The following TBL2 variants were observed in gnomAD, a reference collection of about 807,000 sequenced individuals.
TBL2 encodes the protein transducin beta like 2.
A neutral mutation model predicts 41.8 loss-of-function variants in TBL2; 33 were observed. That is an observed-to-expected ratio of 0.79 (90% CI 0.60 to 1.06). The LOEUF (loss-of-function observed/expected upper bound fraction) is 1.06, where lower values mean the gene tolerates loss of function less well. Among genes scored for constraint, TBL2 ranks in the 50% least tolerant of loss-of-function variants. The pLI, the probability that TBL2 is intolerant of heterozygous loss-of-function variation, is 0.00. For synonymous variants in TBL2, 239 were observed against 241.7 expected (o/e 0.99, Z 0.10); for missense variants, 522 against 603.8 (o/e 0.86, Z 1.42).
rs782241631 is a variant in TBL2 at position 73,572,915 on chromosome 7, C to T, written c.654G>A (p.Lys218=). The T allele has an allele frequency of 1.2e-5, 19 of 1,614,076 alleles. No homozygotes were observed. Among genetic ancestry groups the T allele is most frequent in the Non-Finnish European group, 1.4e-5 (17 of 1,180,048 alleles). ...SDTTVLIWSL[K]GQVLSTINTN... ...TGTTGATGGTAGACAGCACTTGACC[C>T]TTCAGGCTCCAGATGAGGACAGTGG... Residue 218 remains lysine, a synonymous_variant, in exon 5 of 7, where the codon AAG becomes AAA. Transcript: ENST00000305632.
chr7:73,571,315 G>T lies in TBL2; in HGVS notation c.752C>A (p.Pro251Gln). 1 of 1,614,174 alleles carries T rather than the reference G, an allele frequency of 6.2e-7. No individual in the cohort carries two copies. The highest frequency in any genetic ancestry group is 2.2e-5 in the East Asian group (1 of 44,882). Residue 251 changes from proline (P) to glutamine (Q), a missense_variant, in exon 6 of 7, where the codon CCA (proline) becomes CAA (glutamine). Pro to Gln is a moderately conservative substitution (Grantham distance 76). Coordinates refer to ENST00000305632, the MANE Select transcript of TBL2 (RefSeq NM_012453.4). The stretch of plus-strand genomic sequence containing the variant: ...GCAGACTTCCCAAACCTTCACATCT[G>T]GGGTGAAGCCACACGAGGCTACAAA... The part of the protein sequence containing the change: ...GRFVASCGFT[P>Q]DVKVWEVCFG...
Position 73,573,990 on chromosome 7 carries a change from C to T in TBL2, c.394G>A (p.Ala132Thr), listed in dbSNP as rs781807052. ...FLQREHRSMR[A>T]NVELDHATLV... ...GTGGCGTGGTCCAGCTCCACGTTGGCTCTCATGCTGCGGTGCTCTCGCTGC... is the reference window on the plus strand; with the variant it reads ...GTGGCGTGGTCCAGCTCCACGTTGGTTCTCATGCTGCGGTGCTCTCGCTGC... Residue 132 changes from alanine to threonine, a missense_variant, in exon 3 of 7, where the codon GCC (alanine) becomes ACC (threonine). Physicochemically the swap from Ala to Thr is moderately conservative, Grantham distance 58. Transcript: ENST00000305632. The T allele has an allele frequency of 6.8e-6, 11 of 1,614,166 alleles. No homozygotes were observed. The highest frequency in any genetic ancestry group is 4.5e-5 in the East Asian group (2 of 44,886).
In TBL2 at chr7:73,574,100, C is replaced by T; in HGVS notation, c.284G>A (p.Cys95Tyr). The T allele has an allele frequency of 6.2e-7, 1 of 1,614,132 alleles. No homozygotes were observed. Residue 95 changes from cysteine (C) to tyrosine (Y), a missense_variant, in exon 3 of 7, where the codon TGC becomes TAC. Physicochemically the swap from Cys to Tyr is radical, Grantham distance 194. Transcript: ENST00000305632. ...TTTGCCATTGCTGCTAAAGTCCATGCAAGATATGTTCCCGCTGTGGCTCTA... is the reference window on the plus strand; with the variant it reads ...TTTGCCATTGCTGCTAAAGTCCATGTAAGATATGTTCCCGCTGTGGCTCTA... ...ALKSHSGNIS[C>Y]MDFSSNGKYL...
Position 73,567,997 on chromosome 7 carries a change from G to T in TBL2, c.*2510C>A, listed in dbSNP as rs1016997603. ...ATGCCAGAGCTGCTTCTAAGAACAG[G>T]TGCGCAAAGGAAGTGTTTTAGTCTC... On this transcript the variant is annotated 3_prime_UTR_variant, in exon 7 of 7. Coordinates refer to ENST00000305632, the MANE Select transcript of TBL2 (RefSeq NM_012453.4). Among the ~76,000 whole-genome samples, 1 of 152,182 alleles carries T rather than the reference G, an allele frequency of 6.6e-6. No homozygotes were observed. The highest frequency in any genetic ancestry group is 1.5e-5 in the Non-Finnish European group (1 of 68,038).
chr7:73,571,242 T>C lies in TBL2; in HGVS notation c.825A>G (p.Leu275=), dbSNP rs1792930092. 2 of 1,614,212 alleles carry C rather than the reference T, an allele frequency of 1.2e-6. No individual in the cohort carries two copies. The highest frequency in any genetic ancestry group is 1.7e-6 in the Non-Finnish European group (2 of 1,180,032). ...EFQEVVRAFE[L]KGHSAAVHSF... ...AGTGCACAGCCGCGGAGTGGCCCTT[T>C]AGTTCGAAGGCTCGCACCACCTCCT... The change falls in exon 6 of 7, where the codon CTA becomes CTG. Residue 275 remains leucine (L), a synonymous_variant. Transcript: ENST00000305632.
At position 73,574,417 on chromosome 7, in the gene TBL2, T is replaced by C. The variant is rs1554588470; in HGVS notation, c.227A>G (p.Asn76Ser). ...TGCAGCCAGGAGGCGGTGGGTGAAG[T>C]TGTGTTGTTGAGGCTTCTCCTTCCG... ...RIRKEKPQQH[N>S]FTHRLLAAAL... The change falls in exon 2 of 7, where the codon AAC (asparagine) becomes AGC (serine). Residue 76 changes from asparagine to serine, a missense_variant. By Grantham distance (46) the Asn-to-Ser change is conservative. Coordinates refer to ENST00000305632, the MANE Select transcript of TBL2 (RefSeq NM_012453.4). The C allele has an allele frequency of 2.5e-6, 4 of 1,613,716 alleles. No homozygotes were observed. The highest frequency in any genetic ancestry group is 2.2e-5 in the South Asian group (2 of 91,072).
intron 5 of TBL2, among the ~76,000 whole-genome samples, 197 bp downstream of exon 5, chr7:73,572,647 G>C (rs1377931125): frequency 6.6e-6 from 1 of 152,088 alleles, no homozygotes; most frequent in African/African-American, 2.4e-5. Flanking sequence ...TGAAGATGAA[G>C]AAATAGCGAC....
At chr7:73,572,778 G>C (rs1472167076) in intron 5 of TBL2, 66 bp downstream of exon 5, 2 of 1,609,476 alleles carry the variant, frequency 1.2e-6, no homozygotes, top group African/African-American at 1.3e-5. Context: ...CTGGCTCTCT[G>C]TTCTGTGCCT....
Position 73,572,923 on chromosome 7 carries a change from T to C in TBL2, c.646A>G (p.Ser216Gly), listed in dbSNP as rs1325159545. ...ASSDTTVLIWSLKGQVLSTIN... is the reference protein window; with the variant it reads ...ASSDTTVLIWGLKGQVLSTIN... ...GTAGACAGCACTTGACCCTTCAGGC[T>C]CCAGATGAGGACAGTGGTGTCACTG... The change falls in exon 5 of 7, where the codon AGC becomes GGC. Residue 216 changes from serine (S) to glycine (G), a missense_variant. Ser to Gly is a moderately conservative substitution (Grantham distance 56). Transcript: ENST00000305632. The C allele has an allele frequency of 1.2e-6, 2 of 1,613,950 alleles. No homozygotes were observed. The highest frequency in any genetic ancestry group is 1.7e-6 in the Non-Finnish European group (2 of 1,180,034).
chr7:73,572,758 C>A, intron 5 of TBL2, 86 bp downstream of exon 5: 2 of 1,587,446 alleles, frequency 1.3e-6, no homozygotes, highest in Non-Finnish European at 8.6e-7. Context: ...GCTCTTCCCA[C>A]GCGATGAAGC....
chr7:73,572,860 C>G lies in TBL2; in HGVS notation c.709G>C (p.Val237Leu), dbSNP rs782093007. The change falls in exon 5 of 7, where the codon GTA becomes CTA. Residue 237 changes from valine (V) to leucine (L), a missense_variant. Transcript: ENST00000305632. ...CTTGCCCACCTGCCACAGGGAGATA[C>G]AGCAGCGTGTGTGTTGTTCATCTGG... ...TNQMNNTHAAVSPCGRFVASC... is the reference protein window; with the variant it reads ...TNQMNNTHAALSPCGRFVASC... The G allele has an allele frequency of 1.9e-6, 3 of 1,614,144 alleles. No individual in the cohort carries two copies. The highest frequency in any genetic ancestry group is 1.7e-5 in the Admixed American group (1 of 60,010).
In TBL2 at chr7:73,570,478, T is replaced by C; in HGVS notation, c.*29A>G. On this transcript the variant is annotated 3_prime_UTR_variant, in exon 7 of 7. Transcript: ENST00000305632. The stretch of plus-strand genomic sequence containing the variant: ...CATGAGGAGGCCAGATCCCTCCTCC[T>C]CAATCCTCTGCGCCGGGCCCTCCCA... 1 of 1,474,992 alleles carries C rather than the reference T, an allele frequency of 6.8e-7. No homozygotes were observed. The highest frequency in any genetic ancestry group is 9.0e-7 in the Non-Finnish European group (1 of 1,114,948). 91.4% of individuals were successfully genotyped at this position (1,474,992 alleles called of 1,614,324 possible). A position where few individuals can be genotyped will look rare whatever the true frequency, so the allele number is the denominator to read the frequency against.
At chr7:73,576,777 AC>A (rs1793349403) in intron 1 of TBL2, 1 of 448,836 alleles carries the variant, frequency 2.2e-6, no homozygotes, top group South Asian at 1.6e-5. Flanking sequence ...CCCTCCTCAC[AC>A]TTAAGTCATA....
chr7:73,567,698 C>T lies in TBL2; in HGVS notation c.*2809G>A, dbSNP rs571023321. Among the ~76,000 whole-genome samples the T allele has an allele frequency of 6.6e-6, 1 of 152,268 alleles. No individual in the cohort carries two copies. Among genetic ancestry groups the T allele is most frequent in the South Asian group, 2.1e-4 (1 of 4,822 alleles). On this transcript the variant is annotated 3_prime_UTR_variant, in exon 7 of 7. Coordinates refer to ENST00000305632, the MANE Select transcript of TBL2 (RefSeq NM_012453.4). ...CTCTATGTTAATATCCAGACACCTT[C>T]TCTGTGGTTACAAGAGAAGCTTGAG...
intron 1 of TBL2, among the ~76,000 whole-genome samples, chr7:73,575,904 T>C (rs1218201112): frequency 2.0e-5 from 3 of 152,016 alleles, no homozygotes; most frequent in Non-Finnish European, 2.9e-5. Flanking sequence ...TAGCTGGGCA[T>C]GGTGGTGTGC....
In TBL2 at chr7:73,572,943, T is replaced by A. The variant is rs1793059719; in HGVS notation, c.626A>T (p.Asp209Val). Residue 209 changes from aspartate to valine, a missense_variant, in exon 5 of 7, where the codon GAC becomes GTC. By Grantham distance (152) the Asp-to-Val change is radical. Transcript: ENST00000305632. ...TGKFIMTASS[D>V]TTVLIWSLKG... ...CAGGCTCCAGATGAGGACAGTGGTG[T>A]CACTGGAGGCAGTCATGATAAACTT... is the stretch of plus-strand genomic sequence containing the variant. The A allele has an allele frequency of 1.2e-6, 2 of 1,614,032 alleles. No homozygotes were observed. Among genetic ancestry groups the A allele is most frequent in the African/African-American group, 2.7e-5 (2 of 74,910 alleles).
chr7:73,570,824 C>CCCGCCCA lies in TBL2; in HGVS notation c.1026_1027insTGGGCGG (p.Ala343TrpfsTer13). 1 of 1,613,930 alleles carries CCCGCCCA rather than the reference C, an allele frequency of 6.2e-7. No homozygotes were observed. Among genetic ancestry groups the CCCGCCCA allele is most frequent in the Non-Finnish European group, 8.5e-7 (1 of 1,180,044 alleles). ...CCACTGGCCAAGGCCAAGACCTGGG[C>CCCGCCCA]GTTGGGGGAGAGGGCCAGGCGGCAC... On this transcript the variant is annotated frameshift_variant, in exon 7 of 7. Transcript: ENST00000305632. LOFTEE classifies it high-confidence loss of function.
chr7:73,578,460 C>T lies in TBL2; in HGVS notation c.90G>A (p.Gly30=), dbSNP rs1261957802. Reference sequence around the variant, plus strand: ...TCCTCTCCTCCCCCGCGCGCAGCCACCCCCGCGCTACCGCCGCCGTCGCCA... The same window carrying T: ...TCCTCTCCTCCCCCGCGCGCAGCCATCCCCGCGCTACCGCCGCCGTCGCCA... ...ALMATAAVAR[G]WLRAGEERSG... The change falls in exon 1 of 7, where the codon GGG becomes GGA. Residue 30 remains glycine (G), a synonymous_variant. Transcript: ENST00000305632. 1.3e-6 allele frequency: 2 copies of T among 1,560,362 alleles called. No individual in the cohort carries two copies. Among genetic ancestry groups the T allele is most frequent in the African/African-American group, 1.4e-5 (1 of 70,588 alleles).
Position 73,571,192 on chromosome 7 carries a change from C to A in TBL2, c.875G>T (p.Arg292Leu), listed in dbSNP as rs185080024. 6.2e-7 allele frequency: 1 copy of A among 1,614,208 alleles called. No individual in the cohort carries two copies. Among genetic ancestry groups the A allele is most frequent in the Admixed American group, 1.7e-5 (1 of 60,012 alleles). The change falls in exon 6 of 7, where the codon CGG (arginine) becomes CTG (leucine). Residue 292 changes from arginine to leucine, a missense_variant. By Grantham distance (102) the Arg-to-Leu change is moderately radical. Transcript: ENST00000305632. ...ACATCAGAGCGGATTCACTCACCTC[C>A]GTGAGTCGTTGGAGAAAGCAAACGA... ...VHSFAFSNDS[R>L]RMASVSKDGT... is the part of the protein sequence containing the mutation.
Sources: gnomAD v4.1 joint callset for allele counts (sites outside exome capture counted in the v4.1 genomes callset) on GRCh38, gnomAD v4.1.1 for gene constraint, MANE v1.5 for transcripts, NCBI Gene and HGNC (gene_info 2026-07-23, HGNC 2026-07-21) for gene names.